CARNMT1: variants seen among roughly 807,000 people sequenced by gnomAD.
The protein encoded by CARNMT1 is carnosine N-methyltransferase 1, also known as protein-L-histidine N-pros-methyltransferase CARNMT1.
Under a neutral mutation model 49.6 loss-of-function variants are expected in CARNMT1, and 28 were observed. The observed-to-expected ratio is 0.56, with a 90% CI of 0.42 to 0.77. The LOEUF is 0.77. Ranked by LOEUF, CARNMT1 falls within the 30% of genes least tolerant of loss-of-function variation. CARNMT1 has a pLI of 0.00. For missense variants in CARNMT1, 421 were observed against 512.6 expected (o/e 0.82, Z 1.73); for synonymous variants, 178 against 175.0 (o/e 1.02, Z -0.13).
chr9:75,027,799 C>A (rs1201025153), intron 1 of CARNMT1, among the ~76,000 whole-genome samples: 1 of 152,192 alleles, frequency 6.6e-6, no homozygotes, highest in Admixed American at 6.5e-5. Flanking sequence ...CGAGGCTGTG[C>A]AGCAGACGGC....
chr9:75,008,607 CAT>C (rs1304623896), intron 3 of CARNMT1, among the ~76,000 whole-genome samples: 3 of 152,144 alleles, frequency 2.0e-5, no homozygotes, highest in Non-Finnish European at 4.4e-5. Context: ...CGCCTGGCCA[CAT>C]ATGAATAAAT....
chr9:74,984,230 G>C (rs1832759007), intron 7 of CARNMT1, among the ~76,000 whole-genome samples: 2 of 151,950 alleles, frequency 1.3e-5, no homozygotes, highest in South Asian at 4.2e-4. Flanking sequence ...TAATGCACAT[G>C]ATTAAAAAAA....
chr9:75,022,425 T>C (rs1822398301), intron 1 of CARNMT1, among the ~76,000 whole-genome samples: 1 of 152,074 alleles, frequency 6.6e-6, no homozygotes, highest in African/African-American at 2.4e-5. Context: ...GGTTTCACCA[T>C]GTTGGTCAGG....
At chr9:75,013,255 G>T (rs1251532752) in intron 3 of CARNMT1, among the ~76,000 whole-genome samples, 2 of 151,988 alleles carry the variant, frequency 1.3e-5, no homozygotes, top group Non-Finnish European at 1.5e-5. Context: ...ACCATGGACT[G>T]GTCAGGAACT....
chr9:75,004,494 G>C (rs945370141), intron 3 of CARNMT1, among the ~76,000 whole-genome samples: 2 of 152,112 alleles, frequency 1.3e-5, no homozygotes, highest in African/African-American at 4.8e-5. Flanking sequence ...TGACTTGAAA[G>C]AAATATGAAA....
intron 3 of CARNMT1, chr9:75,010,208 C>A (rs766095484): frequency 2.8e-5 from 4 of 144,598 alleles, no homozygotes; most frequent in Non-Finnish European, 6.0e-5. Flanking sequence ...ACTGCAACCT[C>A]TGCCTCTTGA....
chr9:75,004,938 G>A (rs1052301191), intron 3 of CARNMT1, among the ~76,000 whole-genome samples: 1 of 152,100 alleles, frequency 6.6e-6, no homozygotes, highest in African/African-American at 2.4e-5. Context: ...CAAAAAATGT[G>A]ATTTTACATG....
intron 1 of CARNMT1, among the ~76,000 whole-genome samples, chr9:75,021,271 T>C (rs897886962): frequency 3.0e-5 from 4 of 132,502 alleles, no homozygotes; most frequent in Admixed American, 7.6e-5. Context: ...TATATATGTA[T>C]ATATACATAG....
At position 74,996,576 on chromosome 9, in the gene CARNMT1, C is replaced by A; in HGVS notation, c.911-16G>T. Reference sequence around the variant, plus strand: ...TCCCAGGTATCTAATGAAGAAAAATCAAATTACTGCATCTGTTATGTTATT... The same window carrying A: ...TCCCAGGTATCTAATGAAGAAAAATAAAATTACTGCATCTGTTATGTTATT... On this transcript the variant is annotated splice_polypyrimidine_tract_variant and intron_variant, in intron 5 of 7. Coordinates refer to ENST00000376834, the MANE Select transcript of CARNMT1 (RefSeq NM_152420.3). The A allele has an allele frequency of 1.5e-6, 2 of 1,345,156 alleles. No homozygotes were observed. The highest frequency in any genetic ancestry group is 2.6e-5 in the South Asian group (2 of 78,034). The allele number at this position is 1,345,156 out of a possible 1,614,324, so 83.3% of individuals were successfully genotyped here.
intron 1 of CARNMT1, among the ~76,000 whole-genome samples, chr9:75,022,643 CA>C (rs1466395511): frequency 6.6e-6 from 1 of 152,174 alleles, no homozygotes; most frequent in African/African-American, 2.4e-5. Flanking sequence ...TCAAGTTAGG[CA>C]AACAGCAGAG....
At chr9:75,023,529 C>A (rs990681501) in intron 1 of CARNMT1, among the ~76,000 whole-genome samples, 1 of 152,128 alleles carries the variant, frequency 6.6e-6, no homozygotes, top group Non-Finnish European at 1.5e-5. Flanking sequence ...ATCCTTAAAC[C>A]CCTGGTTACT....
At chr9:74,989,003 A>G (rs1308782474) in intron 6 of CARNMT1, among the ~76,000 whole-genome samples, 1 of 152,238 alleles carries the variant, frequency 6.6e-6, no homozygotes, top group African/African-American at 2.4e-5. Flanking sequence ...GCAAATTTAA[A>G]AACTTAGTGA....
intron 3 of CARNMT1, among the ~76,000 whole-genome samples, chr9:75,000,789 T>C (rs1245871564): frequency 1.3e-5 from 2 of 152,190 alleles, no homozygotes; most frequent in African/African-American, 4.8e-5. Context: ...TTTTTTATCT[T>C]TAACTATGTG....
upstream of CARNMT1, chr9:75,028,349 A>C (rs1822595144): frequency 7.7e-7 from 1 of 1,304,194 alleles, no homozygotes; most frequent in Non-Finnish European, 9.7e-7. Context: ...ACATGCCCCC[A>C]GCTCGCGGCG....
chr9:75,026,640 G>C (rs1587318189), intron 1 of CARNMT1, among the ~76,000 whole-genome samples: 1 of 152,176 alleles, frequency 6.6e-6, no homozygotes, highest in East Asian at 1.9e-4. Context: ...GTAAAGTAAT[G>C]CTGTCCCTGG....
At chr9:75,026,006 A>T (rs1415308273) in intron 1 of CARNMT1, among the ~76,000 whole-genome samples, 1 of 152,242 alleles carries the variant, frequency 6.6e-6, no homozygotes, top group Non-Finnish European at 1.5e-5. Flanking sequence ...ATTAGAATGT[A>T]ACAATCCACT....
chr9:75,026,876 T>C (rs1399939295), intron 1 of CARNMT1, among the ~76,000 whole-genome samples: 1 of 152,174 alleles, frequency 6.6e-6, no homozygotes, highest in East Asian at 1.9e-4. Context: ...AAAATAGAGC[T>C]TAAACAACAT....
At position 74,985,005 on chromosome 9, in the gene CARNMT1, G is replaced by A; in HGVS notation, c.1030C>T (p.Leu344=). ...GCCAGATTTTCAAAGTGGTACAGCA[G>A]AGGACCTATGGTTTAAAGATACTAT... ...PGGIWINLGP[L]LYHFENLANE... The change falls in exon 7 of 8, where the codon CTG becomes TTG. Residue 344 remains leucine, a synonymous_variant. Coordinates refer to ENST00000376834, the MANE Select transcript of CARNMT1 (RefSeq NM_152420.3). 1.2e-6 allele frequency: 2 copies of A among 1,608,962 alleles called. No individual in the cohort carries two copies. The highest frequency in any genetic ancestry group is 3.3e-5 in the Admixed American group (2 of 59,994).
At chr9:75,027,501 A>G (rs993155967) in intron 1 of CARNMT1, 28 of 984,416 alleles carry the variant, frequency 2.8e-5, no homozygotes, top group Non-Finnish European at 3.3e-5. Context: ...TCACAGCGCC[A>G]AAGAGGGGTG....
Sources: gnomAD v4.1 joint callset for allele counts (sites outside exome capture counted in the v4.1 genomes callset) on GRCh38, gnomAD v4.1.1 for gene constraint, MANE v1.5 for transcripts, NCBI Gene and HGNC (gene_info 2026-07-23, HGNC 2026-07-21) for gene names.